Variants in NSMAF observed in about 807,000 individuals in gnomAD.
NSMAF encodes the protein neutral sphingomyelinase activation associated factor, also known as protein FAN.
A neutral mutation model predicts 134.9 loss-of-function variants in NSMAF; 90 were observed. That is an observed-to-expected ratio of 0.67 (90% CI 0.56 to 0.79). The LOEUF is 0.79. Among genes scored for constraint, NSMAF ranks in the 30% least tolerant of loss-of-function variants. The probability of loss-of-function intolerance (pLI) is 0.00; values close to 1 mark genes in which losing one functional copy is unlikely to be tolerated. For synonymous variants in NSMAF, 358 were observed against 389.6 expected (o/e 0.92, Z 0.96); for missense variants, 1,010 against 1,119.0 (o/e 0.90, Z 1.39).
chr8:58,646,123 T>C (rs185736214), intron 1 of NSMAF, among the ~76,000 whole-genome samples: 17 of 152,258 alleles, frequency 1.1e-4, no homozygotes, highest in Admixed American at 1.1e-3. Flanking sequence ...CAGAAACCAA[T>C]TTTACCATCC....
At chr8:58,632,209 C>G (rs1186866163) in intron 5 of NSMAF, among the ~76,000 whole-genome samples, 1 of 152,134 alleles carries the variant, frequency 6.6e-6, no homozygotes, top group Non-Finnish European at 1.5e-5. Context: ...ATACTGCACT[C>G]TCTCCCTTTT....
At chr8:58,651,829 C>T (rs1019002371) in intron 1 of NSMAF, among the ~76,000 whole-genome samples, 2 of 152,212 alleles carry the variant, frequency 1.3e-5, no homozygotes. Flanking sequence ...TCCAAGGCAG[C>T]AGCTTCAGGG....
At chr8:58,615,615 C>A (rs909584451) in intron 9 of NSMAF, among the ~76,000 whole-genome samples, 1 of 152,084 alleles carries the variant, frequency 6.6e-6, no homozygotes, top group African/African-American at 2.4e-5. Context: ...AAGAAAATTA[C>A]AAAATATTTT....
At chr8:58,651,681 A>C (rs537912830) in intron 1 of NSMAF, among the ~76,000 whole-genome samples, 14 of 152,250 alleles carry the variant, frequency 9.2e-5, no homozygotes, top group Non-Finnish European at 1.8e-4. Flanking sequence ...ACTATCAAGA[A>C]GTTAAAGAAG....
rs772589411 is a variant in NSMAF at position 58,623,693 on chromosome 8, C to T, written c.456+16G>A. 1.2e-6 allele frequency: 2 copies of T among 1,608,040 alleles called. No individual in the cohort carries two copies. Among genetic ancestry groups the T allele is most frequent in the African/African-American group, 1.3e-5 (1 of 74,814 alleles). ...GCCTCAGTTTGCTTTGAATTTTCTACCCAGCAAGTGCTTACCTGAAGCAAC... is the reference window on the plus strand; with the variant it reads ...GCCTCAGTTTGCTTTGAATTTTCTATCCAGCAAGTGCTTACCTGAAGCAAC... On this transcript the variant is annotated intron_variant, in intron 7 of 30. Coordinates refer to ENST00000038176, the MANE Select transcript of NSMAF (RefSeq NM_003580.4).
At chr8:58,642,296 C>T (rs1373996510) in intron 2 of NSMAF, among the ~76,000 whole-genome samples, 3 of 152,180 alleles carry the variant, frequency 2.0e-5, no homozygotes, top group Non-Finnish European at 4.4e-5. Context: ...TAGCAGATAC[C>T]TTTTTGGTGG....
At chr8:58,598,197 T>C (rs1806181439) in intron 19 of NSMAF, among the ~76,000 whole-genome samples, 1 of 152,046 alleles carries the variant, frequency 6.6e-6, no homozygotes, top group Non-Finnish European at 1.5e-5. Flanking sequence ...AAAAATTAGG[T>C]CTGAATTTCC....
At chr8:58,659,088 C>G in intron 1 of NSMAF, 1 of 942,580 alleles carries the variant, frequency 1.1e-6, no homozygotes, top group Non-Finnish European at 1.5e-6. Flanking sequence ...GGTCGCCGGC[C>G]TGCTCGGTGC....
chr8:58,585,788 T>C (rs1563521325), intron 29 of NSMAF, 27 bp from the exon 30 acceptor site: 1 of 1,604,316 alleles, frequency 6.2e-7, no homozygotes, highest in Non-Finnish European at 8.5e-7. Context: ...GAAATAGTCC[T>C]TTCTTCATCA....
intron 16 of NSMAF, 61 bp downstream of exon 16, chr8:58,601,224 T>G: frequency 1.5e-6 from 2 of 1,333,538 alleles, no homozygotes; most frequent in Admixed American, 1.7e-5. Context: ...TTGAAACAAG[T>G]ATGTTGTATA....
In NSMAF at chr8:58,639,969, A is replaced by G. The variant is rs1807296027; in HGVS notation, c.149+3015T>C. The stretch of plus-strand genomic sequence containing the variant: ...AGAAGAGACAAGAATGGAACTTACG[A>G]AAATTTTTTAGGTGGGAAAGCTCAG... On this transcript the variant is annotated intron_variant, in intron 2 of 30. Transcript: ENST00000038176. The G allele has an allele frequency of 1.0e-5, 4 of 401,406 alleles. 1 individual carries two copies. In the Admixed American group the frequency reaches 1.2e-4, roughly 12 times the overall value. The allele number at this position is 401,406 out of a possible 1,614,324, so 24.9% of individuals were successfully genotyped here. A position where few individuals can be genotyped will look rare whatever the true frequency, so the allele number is the denominator to read the frequency against.
chr8:58,592,902 C>CAAAAAA (rs1194341835), intron 23 of NSMAF, among the ~76,000 whole-genome samples: 6 of 114,368 alleles, frequency 5.2e-5, no homozygotes, highest in African/African-American at 2.9e-4. Flanking sequence ...AAAACAAAAA[C>CAAAAAA]AAAAACAACA....
chr8:58,620,944 T>A (rs747404723), intron 9 of NSMAF, among the ~76,000 whole-genome samples: 1 of 152,198 alleles, frequency 6.6e-6, no homozygotes. Flanking sequence ...TAATTTTTTT[T>A]ATTATCTTTT....
intron 9 of NSMAF, among the ~76,000 whole-genome samples, chr8:58,616,463 A>G (rs905042659): frequency 1.3e-5 from 2 of 152,174 alleles, no homozygotes; most frequent in Admixed American, 6.5e-5. Flanking sequence ...AAAAAAATCA[A>G]TCAATGTAAT....
intron 6 of NSMAF, among the ~76,000 whole-genome samples, chr8:58,626,091 C>CGTTT (rs1563537415): frequency 1.0e-4 from 10 of 99,386 alleles, no homozygotes; most frequent in Admixed American, 1.1e-4. Context: ...TTATATAATT[C>CGTTT]TTTTTTTTTT....
Position 58,584,041 on chromosome 8 carries a change from TA to T in NSMAF, c.*64del. On this transcript the variant is annotated 3_prime_UTR_variant, in exon 31 of 31. Transcript: ENST00000038176. The stretch of plus-strand genomic sequence containing the variant: ...AACATTGCACATTCACCAGTCCGTT[TA>T]AAAGTTTGGTTTAAAAATGCATTAA... 8.1e-7 allele frequency: 1 copy of T among 1,241,004 alleles called. No homozygotes were observed. The highest frequency in any genetic ancestry group is 1.2e-5 in the South Asian group (1 of 83,142). The allele number at this position is 1,241,004 out of a possible 1,614,324, so 76.9% of individuals were successfully genotyped here. A position where few individuals can be genotyped will look rare whatever the true frequency, so the allele number is the denominator to read the frequency against.
chr8:58,597,497 C>A lies in NSMAF; in HGVS notation c.1682G>T (p.Gly561Val). 2 of 1,614,118 alleles carry A rather than the reference C, an allele frequency of 1.2e-6. No individual in the cohort carries two copies. Among genetic ancestry groups the A allele is most frequent in the Non-Finnish European group, 1.7e-6 (2 of 1,179,994 alleles). The change falls in exon 21 of 31, where the codon GGG (glycine) becomes GTG (valine). Residue 561 changes from glycine to valine, a missense_variant. Physicochemically the swap from Gly to Val is moderately radical, Grantham distance 109. Transcript: ENST00000038176. The stretch of plus-strand genomic sequence containing the variant: ...CACAAATAGTTGTTTTGGTGTCTGC[C>A]CAAATTCCAAGATTTGCGTAAGCAT... ...VAMLTQILEF[G>V]QTPKQLFVTP...
At chr8:58,601,108 C>A (rs1232876114) in intron 16 of NSMAF, 177 bp downstream of exon 16, 12 of 507,660 alleles carry the variant, frequency 2.4e-5, no homozygotes, top group African/African-American at 5.8e-5. Flanking sequence ...AAAATATGTT[C>A]TCACATTTAC....
intron 1 of NSMAF, among the ~76,000 whole-genome samples, chr8:58,645,813 G>A (rs928047323): frequency 6.6e-5 from 10 of 152,178 alleles, no homozygotes; most frequent in Non-Finnish European, 1.3e-4. Flanking sequence ...GGCCAAGGCG[G>A]GCGGTTTGCC....
Sources: gnomAD v4.1 joint callset for allele counts (sites outside exome capture counted in the v4.1 genomes callset) on GRCh38, gnomAD v4.1.1 for gene constraint, MANE v1.5 for transcripts, NCBI Gene and HGNC (gene_info 2026-07-23, HGNC 2026-07-21) for gene names.